The following SNX4 variants were observed in gnomAD, a reference collection of about 807,000 sequenced individuals.
SNX4 encodes sorting nexin 4, also known as sorting nexin-4.
A neutral mutation model predicts 70.8 loss-of-function variants in SNX4; 49 were observed. The observed-to-expected ratio is 0.69, with a 90% confidence interval of 0.55 to 0.88. SNX4 has a LOEUF of 0.88. SNX4 is among the 40% of genes least tolerant of loss of function. The pLI is 0.00. For synonymous variants in SNX4, 206 were observed against 183.8 expected (o/e 1.12, Z -0.98); for missense variants, 528 against 544.8 (o/e 0.97, Z 0.31).
chr3:125,485,904 G>C (rs151006427), intron 6 of SNX4, among the ~76,000 whole-genome samples: 1 of 151,870 alleles, frequency 6.6e-6, no homozygotes, highest in Non-Finnish European at 1.5e-5. Flanking sequence ...GCAATGGCGC[G>C]ATCTTGGCTC....
chr3:125,502,923 T>TTTTTC (rs1553728430), intron 2 of SNX4, among the ~76,000 whole-genome samples: 13 of 97,828 alleles, frequency 1.3e-4, no homozygotes, highest in African/African-American at 2.6e-4. Context: ...GGTAGTTTTT[T>TTTTTC]TTTTTTTTCT....
intron 13 of SNX4, among the ~76,000 whole-genome samples, chr3:125,448,485 A>G (rs545755675): frequency 1.3e-5 from 2 of 151,868 alleles, no homozygotes; most frequent in Non-Finnish European, 2.9e-5. Context: ...AGTCTAACAA[A>G]TATAAATTGA....
intron 2 of SNX4, among the ~76,000 whole-genome samples, chr3:125,502,872 G>T (rs1282153588): frequency 1.5e-5 from 2 of 134,836 alleles, no homozygotes; most frequent in South Asian, 2.4e-4. Context: ...AAAAAAAAAA[G>T]TATTAACATT....
intron 6 of SNX4, among the ~76,000 whole-genome samples, chr3:125,487,373 G>A (rs1040538141): frequency 5.9e-5 from 9 of 152,048 alleles, no homozygotes; most frequent in African/African-American, 1.9e-4. Flanking sequence ...CACACAATAT[G>A]GATAGTAAAT....
intron 7 of SNX4, among the ~76,000 whole-genome samples, chr3:125,477,191 C>G (rs1294820933): frequency 6.6e-6 from 1 of 152,114 alleles, no homozygotes; most frequent in Non-Finnish European, 1.5e-5. Flanking sequence ...CTTTTTCCCT[C>G]AGATTGTTTC....
At chr3:125,480,927 C>T (rs1934396617) in intron 6 of SNX4, among the ~76,000 whole-genome samples, 1 of 152,182 alleles carries the variant, frequency 6.6e-6, no homozygotes, top group Admixed American at 6.5e-5. Context: ...ATTCCAGCTA[C>T]ACCCCATATT....
chr3:125,498,245 AC>A (rs1042019616), intron 2 of SNX4, 51 bp from the exon 3 acceptor site: 2 of 1,445,020 alleles, frequency 1.4e-6, no homozygotes, highest in African/African-American at 2.8e-5. Context: ...AAAAATACAT[AC>A]ACATAAATAC....
intron 9 of SNX4, among the ~76,000 whole-genome samples, chr3:125,466,879 T>C (rs1934036705): frequency 6.6e-6 from 1 of 151,804 alleles, no homozygotes. Flanking sequence ...GGTCAGGAGT[T>C]TGAGACCAGC....
chr3:125,492,671 C>T, intron 5 of SNX4, among the ~76,000 whole-genome samples: 1 of 152,210 alleles, frequency 6.6e-6, no homozygotes, highest in East Asian at 1.9e-4. Flanking sequence ...TATTTAAATG[C>T]TAACTTAATG....
rs1411816514 is a variant in SNX4 at position 125,497,360 on chromosome 3, T to G, written c.578A>C (p.Glu193Ala). 1.6e-5 allele frequency: 25 copies of G among 1,608,652 alleles called. No individual in the cohort carries two copies. Among genetic ancestry groups the G allele is most frequent in the Non-Finnish European group, 2.0e-5 (23 of 1,175,768 alleles). Residue 193 changes from glutamate (E) to alanine (A), a missense_variant, in exon 5 of 14, where the codon GAA becomes GCA. Glu to Ala is a moderately radical substitution (Grantham distance 107). Around this residue, in one of 3 missense-constraint regions of SNX4, gnomAD observed 341 missense variants for 312.2 expected, o/e 1.09. Transcript: ENST00000251775. ...TCTTACCTTCAGCTGAAACCCAGTT[T>G]CATTCACAGTCTCCTTCCAGTTACC... Reference protein sequence around the residue: ...QEGNWKETVNETGFQLKADSR... With the variant: ...QEGNWKETVNATGFQLKADSR...
chr3:125,450,239 T>C (rs958007125), intron 13 of SNX4, among the ~76,000 whole-genome samples: 1 of 152,152 alleles, frequency 6.6e-6, no homozygotes, highest in African/African-American at 2.4e-5. Flanking sequence ...ACAGTCACGA[T>C]CTAAACTTGT....
At position 125,495,250 on chromosome 3, in the gene SNX4, T is replaced by TTA. The variant is rs759787193; in HGVS notation, c.597+2089_597+2090dup. The stretch of plus-strand genomic sequence containing the variant: ...GAAATGTGATACACTCATTCTCTCT[T>TTA]TATATATATATATATATATATATAT... On this transcript the variant is annotated intron_variant, in intron 5 of 13. Coordinates refer to ENST00000251775, the MANE Select transcript of SNX4 (RefSeq NM_003794.4). 4.1e-3 allele frequency among the ~76,000 whole-genome samples: 156 copies of TTA among 38,158 alleles called. 13 individuals are homozygous for TTA. The East Asian group carries it at 0.048, about 12-fold the overall frequency. 25.0% of individuals were successfully genotyped at this position (38,158 alleles called of 152,430 possible). A position where few individuals can be genotyped will look rare whatever the true frequency, so the allele number is the denominator to read the frequency against.
At chr3:125,476,938 C>T (rs1003713295) in intron 7 of SNX4, among the ~76,000 whole-genome samples, 182 bp from the exon 8 acceptor site, 1 of 152,174 alleles carries the variant, frequency 6.6e-6, no homozygotes, top group Non-Finnish European at 1.5e-5. Flanking sequence ...CCATATTTAT[C>T]ATATCTTATA....
At chr3:125,456,806 G>T (rs761284781) in intron 11 of SNX4, among the ~76,000 whole-genome samples, 5 of 151,972 alleles carry the variant, frequency 3.3e-5, no homozygotes, top group African/African-American at 9.7e-5. Context: ...GACTACAGGC[G>T]TGAGGCACCA....
intron 7 of SNX4, among the ~76,000 whole-genome samples, chr3:125,478,982 A>G (rs1934345899): frequency 6.6e-6 from 1 of 152,190 alleles, no homozygotes; most frequent in South Asian, 2.1e-4. Flanking sequence ...TAATTTATTC[A>G]AAGAGTCCAA....
chr3:125,494,509 G>A (rs1380560394), intron 5 of SNX4, among the ~76,000 whole-genome samples: 1 of 152,180 alleles, frequency 6.6e-6, no homozygotes. Context: ...AAGCATATAT[G>A]ATTATGGTAA....
At chr3:125,502,492 T>G (rs1218266741) in intron 2 of SNX4, among the ~76,000 whole-genome samples, 2 of 152,138 alleles carry the variant, frequency 1.3e-5, no homozygotes, top group African/African-American at 4.8e-5. Context: ...GGAAGAAGCC[T>G]TGAAAAGTCA....
chr3:125,454,398 T>C (rs1933657784), intron 11 of SNX4, among the ~76,000 whole-genome samples: 1 of 152,200 alleles, frequency 6.6e-6, no homozygotes, highest in Non-Finnish European at 1.5e-5. Context: ...GTGTGTTCCT[T>C]GTGAAAATCT....
At chr3:125,463,835 CAGG>C (rs1933939941) in intron 9 of SNX4, among the ~76,000 whole-genome samples, 1 of 152,142 alleles carries the variant, frequency 6.6e-6, no homozygotes, top group African/African-American at 2.4e-5. Flanking sequence ...TTTTGAATCA[CAGG>C]AGTTCTTTCT....
Sources: gnomAD v4.1 joint callset for allele counts (sites outside exome capture counted in the v4.1 genomes callset) on GRCh38, gnomAD v4.1.1 for gene constraint, gnomAD v4.1.1 regional missense constraint, MANE v1.5 for transcripts, NCBI Gene and HGNC (gene_info 2026-07-23, HGNC 2026-07-21) for gene names.